Variants in GNG12 observed in about 807,000 individuals in gnomAD.
GNG12 encodes guanine nucleotide-binding protein G(I)/G(S)/G(O) subunit gamma-12.
For missense variants in GNG12, 69 were observed against 83.8 expected (o/e 0.82, Z 0.69); for synonymous variants, 28 against 29.7 (o/e 0.94, Z 0.19).
Position 67,703,252 on chromosome 1 carries a change from A to G in GNG12, c.*2199T>C, listed in dbSNP as rs1274499348. The G allele has an allele frequency of 6.6e-6, 1 of 152,146 alleles. No homozygotes were observed. The allele number at this position is 152,146 out of a possible 1,614,324, so 9.4% of individuals were successfully genotyped here. Reference sequence around the variant, plus strand: ...TGAAATCTCCTGGGACCTCAAGTCCATTTCTTACCACTATAAGCATATTAA... The same window carrying G: ...TGAAATCTCCTGGGACCTCAAGTCCGTTTCTTACCACTATAAGCATATTAA... On this transcript the variant is annotated 3_prime_UTR_variant, in exon 4 of 4. Coordinates refer to ENST00000370982, the MANE Select transcript of GNG12 (RefSeq NM_018841.6).
intron 1 of GNG12, among the ~76,000 whole-genome samples, chr1:67,794,841 T>C (rs1030211395): frequency 1.6e-4 from 25 of 152,142 alleles, no homozygotes; most frequent in African/African-American, 6.0e-4. Flanking sequence ...CAATCCAGAG[T>C]GGTCGCTCCA....
chr1:67,798,202 A>T (rs1290245737), intron 1 of GNG12, among the ~76,000 whole-genome samples: 2 of 152,196 alleles, frequency 1.3e-5, no homozygotes, highest in African/African-American at 4.8e-5. Flanking sequence ...GGAAGCGAGC[A>T]GTACCACCTG....
chr1:67,767,180 C>A (rs1034622974), intron 2 of GNG12, among the ~76,000 whole-genome samples: 1 of 152,142 alleles, frequency 6.6e-6, no homozygotes, highest in African/African-American at 2.4e-5. Context: ...CTGGGCCATG[C>A]AGTTATCTTG....
At chr1:67,807,342 A>G (rs1200945392) in intron 1 of GNG12, among the ~76,000 whole-genome samples, 1 of 152,022 alleles carries the variant, frequency 6.6e-6, no homozygotes. Flanking sequence ...AGAAAGATCT[A>G]AAACCAGTAA....
chr1:67,803,456 C>T (rs1199224189), intron 1 of GNG12, among the ~76,000 whole-genome samples: 4 of 152,012 alleles, frequency 2.6e-5, no homozygotes, highest in Non-Finnish European at 4.4e-5. Context: ...GAAGGTGATT[C>T]GGTAAAAGGA....
At chr1:67,760,897 T>G (rs1177636773) in intron 2 of GNG12, among the ~76,000 whole-genome samples, 1 of 152,176 alleles carries the variant, frequency 6.6e-6, no homozygotes, top group Non-Finnish European at 1.5e-5. Context: ...TTCAAGAGTT[T>G]CATGTACACC....
intron 2 of GNG12, among the ~76,000 whole-genome samples, chr1:67,712,996 TG>T (rs1646305111): frequency 6.6e-6 from 1 of 152,186 alleles, no homozygotes; most frequent in African/African-American, 2.4e-5. Flanking sequence ...CCCAAAGTGC[TG>T]GGATTACAGG....
intron 1 of GNG12, among the ~76,000 whole-genome samples, chr1:67,785,682 C>T (rs1310090418): frequency 6.6e-6 from 1 of 152,152 alleles, no homozygotes; most frequent in Non-Finnish European, 1.5e-5. Context: ...CATTAAAGTA[C>T]AGGTTGCACT....
intron 2 of GNG12, among the ~76,000 whole-genome samples, chr1:67,711,377 C>CA (rs955775719): frequency 6.7e-6 from 1 of 149,900 alleles, no homozygotes; most frequent in Non-Finnish European, 1.5e-5. Flanking sequence ...ATATGAGACT[C>CA]AAAGTGGTCA....
At chr1:67,830,505 T>C (rs759225976) in intron 1 of GNG12, among the ~76,000 whole-genome samples, 3 of 152,194 alleles carry the variant, frequency 2.0e-5, no homozygotes, top group Non-Finnish European at 4.4e-5. Context: ...CCGGATACCC[T>C]TGGGTCACAT....
chr1:67,794,249 T>G (rs1646817208), intron 1 of GNG12, among the ~76,000 whole-genome samples: 1 of 152,208 alleles, frequency 6.6e-6, no homozygotes, highest in Non-Finnish European at 1.5e-5. Context: ...GAACCTGGGC[T>G]TGTTGGAATA....
intron 1 of GNG12, among the ~76,000 whole-genome samples, chr1:67,811,388 C>A (rs1168630350): frequency 6.6e-6 from 1 of 152,040 alleles, no homozygotes; most frequent in Non-Finnish European, 1.5e-5. Flanking sequence ...TTTGGTGGCA[C>A]CATTGACAGA....
At chr1:67,731,983 T>C (rs1424990574) in intron 2 of GNG12, among the ~76,000 whole-genome samples, 1 of 152,216 alleles carries the variant, frequency 6.6e-6, no homozygotes, top group African/African-American at 2.4e-5. Flanking sequence ...ATTTACTTAA[T>C]GAATATGCAA....
chr1:67,797,397 C>T (rs1478451821), intron 1 of GNG12, among the ~76,000 whole-genome samples: 1 of 152,178 alleles, frequency 6.6e-6, no homozygotes, highest in Admixed American at 6.5e-5. Flanking sequence ...TCCCAAAATG[C>T]TTCACCAAGT....
chr1:67,821,210 T>A (rs952520196), intron 1 of GNG12, among the ~76,000 whole-genome samples: 1 of 152,194 alleles, frequency 6.6e-6, no homozygotes, highest in Non-Finnish European at 1.5e-5. Flanking sequence ...GACTTTGCAT[T>A]ATGCAATTAA....
At chr1:67,747,520 T>C (rs1036700349) in intron 2 of GNG12, among the ~76,000 whole-genome samples, 1 of 152,228 alleles carries the variant, frequency 6.6e-6, no homozygotes, top group Non-Finnish European at 1.5e-5. Flanking sequence ...AACCAGAATG[T>C]ATTTTCAGAA....
intron 1 of GNG12, among the ~76,000 whole-genome samples, chr1:67,828,572 A>G (rs972606222): frequency 6.6e-6 from 1 of 152,202 alleles, no homozygotes; most frequent in Admixed American, 6.5e-5. Flanking sequence ...GATATATAAT[A>G]TATACAATTG....
At chr1:67,833,209 GCTCC>G (rs1647061804) in intron 1 of GNG12, 131 bp downstream of exon 1, 1 of 164,438 alleles carries the variant, frequency 6.1e-6, no homozygotes, top group Non-Finnish European at 1.2e-5. Context: ...TCCTTCCTCC[GCTCC>G]CTCCCTCCAT....
intron 2 of GNG12, among the ~76,000 whole-genome samples, chr1:67,717,478 T>C (rs1219802216): frequency 2.7e-5 from 4 of 150,676 alleles, no homozygotes; most frequent in Non-Finnish European, 5.9e-5. Context: ...ATTGCACCAT[T>C]GCACTCCAGC....
Sources: allele counts gnomAD v4.1 joint callset (sites outside exome capture counted in the v4.1 genomes callset), GRCh38; gene constraint gnomAD v4.1.1; transcripts MANE v1.5; gene names NCBI Gene and HGNC (gene_info 2026-07-23, HGNC 2026-07-21).